ANO10: variants seen among roughly 807,000 people sequenced by gnomAD.
ANO10 encodes the protein anoctamin 10, also known as anoctamin-10.
ANO10 carries 77 observed loss-of-function variants against 74.7 expected under a neutral mutation model. The observed-to-expected ratio is 1.03, with a 90% CI of 0.86 to 1.25. The LOEUF is 1.25. Ranked by LOEUF, ANO10 falls within the 50% of genes most tolerant of loss-of-function variation. The pLI is 0.00. For missense variants in ANO10, 721 were observed against 778.1 expected (o/e 0.93, Z 0.87); for synonymous variants, 279 against 284.9 (o/e 0.98, Z 0.21).
chr3:43,504,466 G>A (rs1406454059), intron 11 of ANO10, among the ~76,000 whole-genome samples: 6 of 151,982 alleles, frequency 3.9e-5, no homozygotes, highest in Non-Finnish European at 7.4e-5. Flanking sequence ...TAACAATTAC[G>A]AAACAGATGG....
intron 11 of ANO10, among the ~76,000 whole-genome samples, chr3:43,474,159 T>C (rs1029414914): frequency 1.3e-5 from 2 of 152,196 alleles, no homozygotes; most frequent in Non-Finnish European, 2.9e-5. Flanking sequence ...TAAAGGGCTA[T>C]ATAAGACTGA....
At chr3:43,491,335 G>A (rs1156536965) in intron 11 of ANO10, among the ~76,000 whole-genome samples, 7 of 152,188 alleles carry the variant, frequency 4.6e-5, no homozygotes, top group East Asian at 3.9e-4. Flanking sequence ...CCAACATGGC[G>A]AAACCCCATC....
chr3:43,660,193 C>A (rs941280105), intron 1 of ANO10, among the ~76,000 whole-genome samples: 4 of 152,196 alleles, frequency 2.6e-5, no homozygotes, highest in Middle Eastern at 3.4e-3. Flanking sequence ...CTCTTCTGTT[C>A]CAAAGGAACA....
At chr3:43,434,057 T>C (rs965538170) in intron 11 of ANO10, among the ~76,000 whole-genome samples, 1 of 152,174 alleles carries the variant, frequency 6.6e-6, no homozygotes, top group Non-Finnish European at 1.5e-5. Context: ...AGATATCTCC[T>C]GGGAGAAGCA....
intron 11 of ANO10, among the ~76,000 whole-genome samples, chr3:43,502,892 G>T (rs949423828): frequency 6.6e-6 from 1 of 152,158 alleles, no homozygotes; most frequent in Non-Finnish European, 1.5e-5. Context: ...AAATCATAAA[G>T]ACAGAAAGTA....
chr3:43,689,865 C>T (rs1258831413), intron 1 of ANO10, among the ~76,000 whole-genome samples: 1 of 152,114 alleles, frequency 6.6e-6, no homozygotes, highest in Non-Finnish European at 1.5e-5. Context: ...TATTTCAACC[C>T]ATTGTTTTCA....
At chr3:43,477,286 G>A (rs1424991272) in intron 11 of ANO10, among the ~76,000 whole-genome samples, 1 of 152,064 alleles carries the variant, frequency 6.6e-6, no homozygotes, top group Admixed American at 6.5e-5. Flanking sequence ...ATAAAACTTA[G>A]GCAGATGCAC....
At chr3:43,605,664 A>C (rs369705072) in intron 2 of ANO10, 50 bp downstream of exon 2, 3 of 1,601,092 alleles carry the variant, frequency 1.9e-6, no homozygotes, top group East Asian at 2.2e-5. Flanking sequence ...GAGGCTGAGC[A>C]TACAGTGTGG....
At chr3:43,460,649 A>G (rs192406696) in intron 11 of ANO10, among the ~76,000 whole-genome samples, 532 of 152,362 alleles carry the variant, frequency 3.5e-3, no homozygotes, top group Non-Finnish European at 5.7e-3. Flanking sequence ...CAGATAGCCA[A>G]GACTCACCAA....
intron 11 of ANO10, among the ~76,000 whole-genome samples, chr3:43,498,012 C>T (rs990162857): frequency 1.3e-5 from 2 of 152,166 alleles, no homozygotes; most frequent in Admixed American, 6.5e-5. Flanking sequence ...TATGGAATGA[C>T]TCATATACTG....
At chr3:43,563,267 T>C (rs1207164065) in intron 8 of ANO10, among the ~76,000 whole-genome samples, 1 of 152,140 alleles carries the variant, frequency 6.6e-6, no homozygotes, top group Non-Finnish European at 1.5e-5. Flanking sequence ...CACAATGAGA[T>C]ATCATCCTAC....
intron 11 of ANO10, among the ~76,000 whole-genome samples, chr3:43,490,463 T>A (rs916320448): frequency 6.6e-5 from 10 of 152,192 alleles, no homozygotes; most frequent in Non-Finnish European, 1.3e-4. Flanking sequence ...AACAAGGTCA[T>A]ATTTTAAGAT....
intron 8 of ANO10, among the ~76,000 whole-genome samples, chr3:43,562,679 T>TA (rs879371142): frequency 7.7e-4 from 107 of 139,770 alleles, no homozygotes; most frequent in Middle Eastern, 3.6e-3. Context: ...AGACTCCATC[T>TA]AAAAAAAAAA....
chr3:43,457,313 C>G (rs958257324), intron 11 of ANO10, among the ~76,000 whole-genome samples: 37 of 152,336 alleles, frequency 2.4e-4, no homozygotes, highest in African/African-American at 8.7e-4. Context: ...CTATGAAGAA[C>G]TTCCCTGAGA....
At chr3:43,385,747 G>A (rs2092097040) in intron 12 of ANO10, among the ~76,000 whole-genome samples, 1 of 146,448 alleles carries the variant, frequency 6.8e-6, no homozygotes. Flanking sequence ...TTGGGGACAT[G>A]GGGGAAAGGA....
In ANO10 at chr3:43,537,351, C is replaced by T. The variant is rs564977439; in HGVS notation, c.1797+12369G>A. On this transcript the variant is annotated intron_variant, in intron 11 of 12. Transcript: ENST00000292246. ...TTTTGCTGTGAAATATTCCCTCAAC[C>T]TGAGTTCCTTGTGCACCAGTGACCA... Among the ~76,000 whole-genome samples, 3 of 152,270 alleles carry T rather than the reference C, an allele frequency of 2.0e-5. No individual in the cohort carries two copies. In the South Asian group the frequency reaches 6.2e-4, roughly 32 times the overall value.
chr3:43,472,556 C>CT (rs1445204051), intron 11 of ANO10: 2 of 151,808 alleles, frequency 1.3e-5, no homozygotes, highest in Admixed American at 6.6e-5. Flanking sequence ...TTGTTCCACT[C>CT]TTTCCCCACC....
intron 12 of ANO10, among the ~76,000 whole-genome samples, chr3:43,403,791 C>T (rs546173859): frequency 5.3e-4 from 81 of 152,282 alleles, no homozygotes; most frequent in Non-Finnish European, 1.0e-3. Flanking sequence ...AATTTTCATT[C>T]CAAATAAATG....
intron 7 of ANO10, among the ~76,000 whole-genome samples, chr3:43,567,138 G>T (rs1032789513): frequency 1.1e-3 from 175 of 152,196 alleles, no homozygotes; most frequent in African/African-American, 4.0e-3. Flanking sequence ...AGAGAAAAAA[G>T]AATAAAAAGA....
Sources: allele counts gnomAD v4.1 joint callset (sites outside exome capture counted in the v4.1 genomes callset), GRCh38; gene constraint gnomAD v4.1.1; transcripts MANE v1.5; gene names NCBI Gene and HGNC (gene_info 2026-07-23, HGNC 2026-07-21).